Variants in FAF1 observed in about 807,000 individuals in gnomAD.
The protein encoded by FAF1 is FAS-associated factor 1.
Under a neutral mutation model 92.5 loss-of-function variants are expected in FAF1, and 25 were observed. That is an observed-to-expected ratio of 0.27 (90% confidence interval 0.20 to 0.38). FAF1 has a LOEUF of 0.38. Among genes scored for constraint, FAF1 ranks in the 10% least tolerant of loss-of-function variants. FAF1 has a pLI of 1.00. For synonymous variants in FAF1, 234 were observed against 273.2 expected (o/e 0.86, Z 1.42); for missense variants, 636 against 793.3 (o/e 0.80, Z 2.38).
At chr1:50,525,204 GT>G (rs975577593) in intron 15 of FAF1, among the ~76,000 whole-genome samples, 1 of 152,092 alleles carries the variant, frequency 6.6e-6, no homozygotes, top group Non-Finnish European at 1.5e-5. Flanking sequence ...TATTTTAAAA[GT>G]TTTTTTCTAG....
chr1:50,616,577 ATTTCAT>A (rs895239247), intron 8 of FAF1, among the ~76,000 whole-genome samples: 2 of 151,058 alleles, frequency 1.3e-5, no homozygotes, highest in Admixed American at 6.6e-5. Context: ...ATTCCTAGGT[ATTTCAT>A]TTTCTTTGTG....
rs1348237905 is a variant in FAF1, at chr1:50,497,635, A to AC, written c.1495-5835dup. ...GTGATCTCGGCTCATTGCAACCTCC[A>AC]CCCCCCCAGGTTTAAGCAATTCTCT... On this transcript the variant is annotated intron_variant, in intron 15 of 18. Transcript: ENST00000396153. Among the ~76,000 whole-genome samples, 311 of 118,398 alleles carry AC rather than the reference A, an allele frequency of 2.6e-3. 3 individuals are homozygous for AC. The highest frequency in any genetic ancestry group is 9.3e-3 in the African/African-American group (292 of 31,436). 77.7% of individuals were successfully genotyped at this position (118,398 alleles called of 152,430 possible). A position where few individuals can be genotyped will look rare whatever the true frequency, so the allele number is the denominator to read the frequency against.
At chr1:50,497,618 G>A (rs527973415) in intron 15 of FAF1, among the ~76,000 whole-genome samples, 14 of 135,456 alleles carry the variant, frequency 1.0e-4, no homozygotes, top group East Asian at 8.7e-4. Flanking sequence ...GTGTGATCTC[G>A]GCTCATTGCA....
chr1:50,603,882 C>A (rs1215619604), intron 8 of FAF1, among the ~76,000 whole-genome samples: 1 of 152,150 alleles, frequency 6.6e-6, no homozygotes, highest in Non-Finnish European at 1.5e-5. Context: ...ATGTGCAGGT[C>A]AAGATCAATT....
At chr1:50,688,386 T>C (rs113541449) in intron 7 of FAF1, among the ~76,000 whole-genome samples, 3,047 of 152,230 alleles carry the variant, frequency 0.02, 100 homozygotes, top group African/African-American at 0.07. Flanking sequence ...GATGTATTTG[T>C]ACACCCATGT....
In FAF1 at chr1:50,915,375, A is replaced by AC. The variant is rs1644912767; in HGVS notation, c.45+44391_45+44392insG. On this transcript the variant is annotated intron_variant, in intron 1 of 18. Coordinates refer to ENST00000396153, the MANE Select transcript of FAF1 (RefSeq NM_007051.3). ...ACAAGAGCGAAACTCCATCTCAAAAAAAAAAAAAAAAAGAACAACTTACTG... is the reference window on the plus strand; with the variant it reads ...ACAAGAGCGAAACTCCATCTCAAAAACAAAAAAAAAAAAGAACAACTTACTG... Among the ~76,000 whole-genome samples the AC allele has an allele frequency of 2.0e-5, 3 of 151,834 alleles. No individual in the cohort carries two copies. The South Asian group carries it at 6.2e-4, about 32-fold the overall frequency.
chr1:50,782,039 C>T (rs1239324876), intron 4 of FAF1, among the ~76,000 whole-genome samples: 1 of 152,140 alleles, frequency 6.6e-6, no homozygotes, highest in Non-Finnish European at 1.5e-5. Context: ...AACAAACCTA[C>T]TGCACTGCCA....
chr1:50,707,941 T>G (rs1657754989), intron 6 of FAF1, among the ~76,000 whole-genome samples: 1 of 152,108 alleles, frequency 6.6e-6, no homozygotes, highest in Non-Finnish European at 1.5e-5. Context: ...CTGTTCCAGG[T>G]GCTAAGGAGC....
At position 50,490,462 on chromosome 1, in the gene FAF1, A is replaced by AGGAG. The variant is rs1557966782; in HGVS notation, c.1653+125_1653+126insCTCC. The AGGAG allele has an allele frequency of 3.9e-5, 22 of 568,266 alleles. 1 individual carries two copies. Among genetic ancestry groups the AGGAG allele is most frequent in the African/African-American group, 1.0e-4 (4 of 40,160 alleles). The allele number at this position is 568,266 out of a possible 1,614,324, so 35.2% of individuals were successfully genotyped here. Reference sequence around the variant, plus strand: ...AAGGAAGGAAGGAAGGAAGGAAGGAAAAAGAAAGAAGGAAGGAAGGAAGGA... The same window carrying AGGAG: ...AAGGAAGGAAGGAAGGAAGGAAGGAAGGAGAAAGAAAGAAGGAAGGAAGGAAGGA... On this transcript the variant is annotated intron_variant, in intron 17 of 18. Transcript: ENST00000396153.
At chr1:50,625,195 C>T (rs373813398) in intron 8 of FAF1, among the ~76,000 whole-genome samples, 11 of 152,130 alleles carry the variant, frequency 7.2e-5, no homozygotes, top group Middle Eastern at 3.4e-3. Flanking sequence ...CCACCGCTCC[C>T]GGCAGAGAAT....
chr1:50,519,147 T>C (rs564727319), intron 15 of FAF1, among the ~76,000 whole-genome samples: 1 of 151,972 alleles, frequency 6.6e-6, no homozygotes, highest in Non-Finnish European at 1.5e-5. Context: ...CTGGCCAGCA[T>C]GGTGAAACCC....
chr1:50,795,715 T>C (rs566340772), intron 3 of FAF1, among the ~76,000 whole-genome samples: 1 of 152,348 alleles, frequency 6.6e-6, no homozygotes, highest in East Asian at 1.9e-4. Flanking sequence ...CCTACAACTT[T>C]GGGTGCTGAT....
chr1:50,615,634 A>G (rs1652880189), intron 8 of FAF1, among the ~76,000 whole-genome samples: 1 of 151,876 alleles, frequency 6.6e-6, no homozygotes. Flanking sequence ...GCATTTTTTC[A>G]TATGTTTGTT....
At chr1:50,694,077 CAT>C (rs1004450702) in intron 7 of FAF1, among the ~76,000 whole-genome samples, 1 of 150,940 alleles carries the variant, frequency 6.6e-6, no homozygotes, top group Non-Finnish European at 1.5e-5. Context: ...ATATACATGA[CAT>C]ATATATAAAA....
chr1:50,714,644 A>C (rs2124442067), intron 6 of FAF1, among the ~76,000 whole-genome samples: 1 of 152,050 alleles, frequency 6.6e-6, no homozygotes, highest in African/African-American at 2.4e-5. Context: ...GACCTATTAA[A>C]GAAGGAAAGG....
At chr1:50,953,718 A>G (rs1195022139) in intron 1 of FAF1, among the ~76,000 whole-genome samples, 1 of 151,958 alleles carries the variant, frequency 6.6e-6, no homozygotes. Context: ...CAGCCTGGGC[A>G]ACAAAAGCGA....
At chr1:50,558,719 AT>A (rs1649718684) in intron 13 of FAF1, among the ~76,000 whole-genome samples, 1 of 152,196 alleles carries the variant, frequency 6.6e-6, no homozygotes, top group African/African-American at 2.4e-5. Flanking sequence ...TTCATAGGCT[AT>A]TTATTGACAA....
At chr1:50,529,998 G>A (rs968286044) in intron 15 of FAF1, among the ~76,000 whole-genome samples, 3 of 152,168 alleles carry the variant, frequency 2.0e-5, no homozygotes, top group Admixed American at 2.0e-4. Context: ...CACCTATGGT[G>A]TGGTTGGCTA....
intron 7 of FAF1, among the ~76,000 whole-genome samples, chr1:50,692,274 TG>T (rs1557478264): frequency 2.6e-4 from 39 of 151,504 alleles, no homozygotes; most frequent in African/African-American, 9.2e-4. Context: ...TGTGTGTGTG[TG>T]TGTGTGTGTG....
Sources: gnomAD v4.1 joint callset for allele counts (sites outside exome capture counted in the v4.1 genomes callset) on GRCh38, gnomAD v4.1.1 for gene constraint, MANE v1.5 for transcripts, NCBI Gene and HGNC (gene_info 2026-07-23, HGNC 2026-07-21) for gene names.